Variants in GNG12 observed in about 807,000 individuals in gnomAD.
The protein encoded by GNG12 is G protein subunit gamma 12.
For synonymous variants in GNG12, 28 were observed against 29.7 expected, an observed-to-expected ratio of 0.94 and a Z score of 0.19; for missense variants, 69 against 83.8, an observed-to-expected ratio of 0.82 and a Z score of 0.69.
intron 1 of GNG12, among the ~76,000 whole-genome samples, chr1:67,827,276 C>G (rs139281854): frequency 6.6e-6 from 1 of 152,166 alleles, no homozygotes; most frequent in Non-Finnish European, 1.5e-5. Context: ...AGCCTTCTGA[C>G]TCTCTGGGCC....
At chr1:67,743,776 T>C (rs566572619) in intron 2 of GNG12, among the ~76,000 whole-genome samples, 1 of 152,348 alleles carries the variant, frequency 6.6e-6, no homozygotes, top group Non-Finnish European at 1.5e-5. Flanking sequence ...GAATTCTTTG[T>C]GTTTATAAGC....
At chr1:67,816,430 G>C (rs968673700) in intron 1 of GNG12, among the ~76,000 whole-genome samples, 1 of 152,172 alleles carries the variant, frequency 6.6e-6, no homozygotes, top group Non-Finnish European at 1.5e-5. Context: ...GCGTGCAAGG[G>C]CTTTCACGAC....
intron 2 of GNG12, among the ~76,000 whole-genome samples, chr1:67,743,172 G>A (rs575630893): frequency 1.3e-5 from 2 of 152,282 alleles, no homozygotes; most frequent in South Asian, 4.1e-4. Context: ...CACCTTCCGG[G>A]ATCTGCAGCC....
In GNG12 at chr1:67,721,151, G is replaced by T. The variant is rs550303929; in HGVS notation, c.-26-13439C>A. Among the ~76,000 whole-genome samples the T allele has an allele frequency of 2.6e-5, 4 of 152,220 alleles. No homozygotes were observed. The South Asian group carries it at 6.2e-4, about 24-fold the overall frequency. On this transcript the variant is annotated intron_variant, in intron 2 of 3. Transcript: ENST00000370982. The stretch of plus-strand genomic sequence containing the variant: ...AGGGAAGCAGAAGAAAAAAATTCCT[G>T]CCCTAAAAGAACTCACTGCTTTTAG...
chr1:67,790,150 A>G (rs2100782146), intron 1 of GNG12, among the ~76,000 whole-genome samples: 1 of 152,328 alleles, frequency 6.6e-6, no homozygotes, highest in African/African-American at 2.4e-5. Context: ...CAACAGGAAG[A>G]CAATTCTGAA....
chr1:67,820,423 A>C (rs2100820995), intron 1 of GNG12, among the ~76,000 whole-genome samples: 1 of 152,176 alleles, frequency 6.6e-6, no homozygotes, highest in South Asian at 2.1e-4. Context: ...TTAACAACTG[A>C]AAAACAGATG....
At chr1:67,811,066 G>C (rs969916896) in intron 1 of GNG12, among the ~76,000 whole-genome samples, 1 of 152,168 alleles carries the variant, frequency 6.6e-6, no homozygotes, top group African/African-American at 2.4e-5. Flanking sequence ...ATCCTCTGGT[G>C]GTGGGCCCAG....
chr1:67,763,121 A>AGAGAGAGAGAGAGAGAGAGAGAC (rs1646616460), intron 2 of GNG12, among the ~76,000 whole-genome samples: 1 of 25,866 alleles, frequency 3.9e-5, no homozygotes. Flanking sequence ...GAGAGAGAGA[A>AGAGAGAGAGAGAGAGAGAGAGAC]TCAATATGAA....
intron 1 of GNG12, among the ~76,000 whole-genome samples, chr1:67,779,990 C>G (rs1470740908): frequency 6.6e-6 from 1 of 152,138 alleles, no homozygotes; most frequent in Non-Finnish European, 1.5e-5. Context: ...GTATTATCAT[C>G]TTTAAAATAG....
Position 67,704,138 on chromosome 1 carries a change from G to A in GNG12, c.*1313C>T, listed in dbSNP as rs1570469306. On this transcript the variant is annotated 3_prime_UTR_variant, in exon 4 of 4. Coordinates refer to ENST00000370982, the MANE Select transcript of GNG12 (RefSeq NM_018841.6). ...TTCCAAGAGTGTGAGGGCTATATTT[G>A]GGCCCAGAGGAAAATCAAGGAACCC... 6.6e-6 allele frequency: 1 copy of A among 152,216 alleles called. No individual in the cohort carries two copies. Among genetic ancestry groups the A allele is most frequent in the South Asian group, 2.1e-4 (1 of 4,828 alleles). 9.4% of individuals were successfully genotyped at this position (152,216 alleles called of 1,614,324 possible).
At chr1:67,768,274 G>T in intron 2 of GNG12, among the ~76,000 whole-genome samples, 1 of 152,152 alleles carries the variant, frequency 6.6e-6, no homozygotes. Context: ...CTTGTCCAAG[G>T]TTACAAAGGT....
chr1:67,726,268 T>C (rs604256), intron 2 of GNG12, among the ~76,000 whole-genome samples: 105,265 of 152,158 alleles, frequency 0.69, 36,479 homozygotes, highest in Admixed American at 0.71. Flanking sequence ...GTCTTTAAGT[T>C]GAATCCTCTA....
intron 2 of GNG12, among the ~76,000 whole-genome samples, chr1:67,753,513 T>C (rs1646551154): frequency 6.6e-6 from 1 of 151,828 alleles, no homozygotes; most frequent in Non-Finnish European, 1.5e-5. Flanking sequence ...AAGTAAGGAG[T>C]GGTGGGCAGG....
At chr1:67,755,577 G>A (rs1377188464) in intron 2 of GNG12, among the ~76,000 whole-genome samples, 1 of 152,078 alleles carries the variant, frequency 6.6e-6, no homozygotes, top group Non-Finnish European at 1.5e-5. Context: ...TTCTTCAGGG[G>A]CTTAATTTCT....
At chr1:67,792,798 T>A (rs895501379) in intron 1 of GNG12, among the ~76,000 whole-genome samples, 9 of 152,196 alleles carry the variant, frequency 5.9e-5, no homozygotes, top group Non-Finnish European at 1.0e-4. Context: ...TTAAGACAAC[T>A]CCTTGGAAGA....
intron 2 of GNG12, among the ~76,000 whole-genome samples, chr1:67,753,364 A>C (rs79383433): frequency 0.023 from 3,542 of 152,030 alleles, 138 homozygotes; most frequent in African/African-American, 0.08. Context: ...AAAAAAAAAA[A>C]ACCTGAAATC....
At chr1:67,713,436 G>A (rs1052978714) in intron 2 of GNG12, among the ~76,000 whole-genome samples, 4 of 152,162 alleles carry the variant, frequency 2.6e-5, no homozygotes, top group African/African-American at 9.7e-5. Context: ...TGGTCCATTA[G>A]GGAAATATGG....
In GNG12 at chr1:67,725,003, C is replaced by A. The variant is rs568979403; in HGVS notation, c.-26-17291G>T. ...TGGAAGACACGTTAATTATTATCTA[C>A]AATTTCCTTCTTTAGATCATGATCT... On this transcript the variant is annotated intron_variant, in intron 2 of 3. Coordinates refer to ENST00000370982, the MANE Select transcript of GNG12 (RefSeq NM_018841.6). 2.0e-5 allele frequency among the ~76,000 whole-genome samples: 3 copies of A among 152,282 alleles called. No homozygotes were observed. The East Asian group carries it at 5.8e-4, about 29-fold the overall frequency.
intron 1 of GNG12, among the ~76,000 whole-genome samples, chr1:67,801,291 A>T (rs1335460207): frequency 6.6e-6 from 1 of 152,242 alleles, no homozygotes. Flanking sequence ...GAACTCTCAC[A>T]CAGTGGTCAG....
Sources: allele counts gnomAD v4.1 joint callset (sites outside exome capture counted in the v4.1 genomes callset), GRCh38; gene constraint gnomAD v4.1.1; transcripts MANE v1.5; gene names NCBI Gene and HGNC (gene_info 2026-07-23, HGNC 2026-07-21).